The following UACA variants were observed in gnomAD, a reference collection of about 807,000 sequenced individuals.
UACA encodes uveal autoantigen with coiled-coil domains and ankyrin repeats.
Under a neutral mutation model 160.5 loss-of-function variants are expected in UACA, and 112 were observed. The observed-to-expected ratio is 0.70, with a 90% CI of 0.60 to 0.82. The LOEUF is 0.82. Among genes scored for constraint, UACA ranks in the 40% least tolerant of loss-of-function variants. The pLI, the probability that UACA is intolerant of heterozygous loss-of-function variation, is 0.00. For synonymous variants in UACA, 557 were observed against 568.4 expected, an observed-to-expected ratio of 0.98 and a Z score of 0.29; for missense variants, 1,574 against 1,614.6, an observed-to-expected ratio of 0.97 and a Z score of 0.43.
chr15:70,753,575 T>A (rs530159901), intron 1 of UACA, among the ~76,000 whole-genome samples: 1 of 152,308 alleles, frequency 6.6e-6, no homozygotes, highest in South Asian at 2.1e-4. Flanking sequence ...GCAGGTAAAT[T>A]ATTTAACTTG....
chr15:70,700,581 T>TAAG (rs1308884507), intron 1 of UACA, among the ~76,000 whole-genome samples: 1 of 151,928 alleles, frequency 6.6e-6, no homozygotes, highest in African/African-American at 2.4e-5. Context: ...GTGGGGGTTT[T>TAAG]AAGAAGGATG....
upstream of UACA, among the ~76,000 whole-genome samples, chr15:70,764,549 A>G (rs1221867598): frequency 1.3e-5 from 2 of 152,124 alleles, no homozygotes; most frequent in African/African-American, 4.8e-5. Context: ...AACGGTCCAC[A>G]TTTTCTGACT....
intron 1 of UACA, among the ~76,000 whole-genome samples, chr15:70,708,219 T>C (rs758449405): frequency 2.0e-5 from 3 of 152,134 alleles, no homozygotes; most frequent in Non-Finnish European, 4.4e-5. Context: ...GTACCTAAAG[T>C]AGGCAAATTT....
At position 70,699,381 on chromosome 15, in the gene UACA, A is replaced by T; in HGVS notation, c.212+146T>A. ...GAAATATTTTAAATTGAGAACAATT[A>T]TTAGTTTGTTTGAAAGATTTTATAG... is the stretch of plus-strand genomic sequence containing the variant. On this transcript the variant is annotated intron_variant, in intron 2 of 18. Transcript: ENST00000322954. 3.6e-6 allele frequency: 3 copies of T among 839,448 alleles called. No individual in the cohort carries two copies. The African/African-American group carries it at 5.1e-5, about 14-fold the overall frequency. 52.0% of individuals were successfully genotyped at this position (839,448 alleles called of 1,614,324 possible). A position where few individuals can be genotyped will look rare whatever the true frequency, so the allele number is the denominator to read the frequency against.
At chr15:70,740,545 G>A (rs1159919445) in intron 1 of UACA, among the ~76,000 whole-genome samples, 1 of 151,250 alleles carries the variant, frequency 6.6e-6, no homozygotes, top group Non-Finnish European at 1.5e-5. Context: ...GCTGAGGCAG[G>A]AGGATCGTTT....
At chr15:70,698,733 G>A (rs1382379013) in intron 2 of UACA, among the ~76,000 whole-genome samples, 1 of 152,058 alleles carries the variant, frequency 6.6e-6, no homozygotes, top group East Asian at 1.9e-4. Flanking sequence ...AGAATTTTAG[G>A]AAATGAGACT....
intron 1 of UACA, among the ~76,000 whole-genome samples, chr15:70,740,016 G>C (rs1053335108): frequency 6.6e-6 from 1 of 152,114 alleles, no homozygotes; most frequent in African/African-American, 2.4e-5. Flanking sequence ...TAATTTTTTA[G>C]TAAGTACAAC....
intron 14 of UACA, 129 bp from the exon 15 acceptor site, chr15:70,671,220 C>A: frequency 1.8e-6 from 1 of 559,270 alleles, no homozygotes; most frequent in Non-Finnish European, 3.0e-6. Context: ...CAAAAGTATC[C>A]TCATTCTAAA....
intron 1 of UACA, among the ~76,000 whole-genome samples, chr15:70,714,981 A>G (rs946695635): frequency 2.6e-5 from 4 of 152,222 alleles, no homozygotes; most frequent in African/African-American, 9.6e-5. Flanking sequence ...TCTTAAACAG[A>G]ACAAATTATA....
chr15:70,668,771 G>A lies in UACA; in HGVS notation c.1913C>T (p.Ser638Leu), dbSNP rs772729423. 1.2e-6 allele frequency: 2 copies of A among 1,613,796 alleles called. No individual in the cohort carries two copies. The highest frequency in any genetic ancestry group is 2.2e-5 in the South Asian group (2 of 91,064). Residue 638 changes from serine (S) to leucine (L), a missense_variant, in exon 16 of 19, where the codon TCA (serine) becomes TTA (leucine). By Grantham distance (145) the Ser-to-Leu change is moderately radical (BLOSUM62 -2). Coordinates refer to ENST00000322954, the MANE Select transcript of UACA (RefSeq NM_018003.4). ...TTTCTCATTCACTTCATTTGATAAT[G>A]AGCTCTTCATGTTTTCAAATTTTTC... Reference protein sequence around the residue: ...PAEKFENMKSSLSNEVNEKAK... With the variant: ...PAEKFENMKSLLSNEVNEKAK...
At chr15:70,722,744 A>C (rs1382152271) in intron 1 of UACA, among the ~76,000 whole-genome samples, 1 of 152,254 alleles carries the variant, frequency 6.6e-6, no homozygotes, top group Non-Finnish European at 1.5e-5. Flanking sequence ...ATATGAGTTC[A>C]CTGGAATTGC....
At chr15:70,663,940 A>G (rs1896813282) in intron 17 of UACA, among the ~76,000 whole-genome samples, 4 of 152,104 alleles carry the variant, frequency 2.6e-5, no homozygotes, top group African/African-American at 7.2e-5. Flanking sequence ...TAATGGGTGC[A>G]GCACACCAAC....
At chr15:70,681,954 C>T (rs186823417) in intron 9 of UACA, 1 of 152,294 alleles carries the variant, frequency 6.6e-6, no homozygotes, top group Admixed American at 6.5e-5. Flanking sequence ...ATCAGAATTG[C>T]TCAAGGTACC....
chr15:70,691,296 T>C lies in UACA; in HGVS notation c.366+3A>G. 6.3e-7 allele frequency: 1 copy of C among 1,590,468 alleles called. No individual in the cohort carries two copies. Among genetic ancestry groups the C allele is most frequent in the Non-Finnish European group, 8.6e-7 (1 of 1,163,806 alleles). Reference sequence around the variant, plus strand: ...AAGCTAAAGTATTAACCACTTCCACTACCTGTAGAAGTTTTTGTAGGCACA... The same window carrying C: ...AAGCTAAAGTATTAACCACTTCCACCACCTGTAGAAGTTTTTGTAGGCACA... On this transcript the variant is annotated splice_donor_region_variant and intron_variant, in intron 4 of 18. Transcript: ENST00000322954.
At chr15:70,747,312 T>G (rs2141008020) in intron 1 of UACA, among the ~76,000 whole-genome samples, 1 of 150,684 alleles carries the variant, frequency 6.6e-6, no homozygotes, top group East Asian at 1.9e-4. Context: ...GGCGTTATCT[T>G]GGCTCACTAC....
At chr15:70,700,361 C>T (rs1350166201) in intron 1 of UACA, among the ~76,000 whole-genome samples, 1 of 136,644 alleles carries the variant, frequency 7.3e-6, no homozygotes, top group Non-Finnish European at 1.5e-5. Flanking sequence ...GAAAGCAATT[C>T]ATTATGTTTA....
chr15:70,728,228 A>G (rs557815168), intron 1 of UACA, among the ~76,000 whole-genome samples: 5 of 152,314 alleles, frequency 3.3e-5, no homozygotes, highest in Admixed American at 3.3e-4. Flanking sequence ...AAATGAACTC[A>G]AGATGGATTA....
intron 1 of UACA, among the ~76,000 whole-genome samples, chr15:70,759,141 A>G (rs2030597650): frequency 6.6e-6 from 1 of 152,176 alleles, no homozygotes; most frequent in Admixed American, 6.6e-5. Context: ...ATCCCCTTCT[A>G]AAATGTCTGC....
chr15:70,691,180 G>T, intron 4 of UACA, 119 bp downstream of exon 4: 1 of 629,764 alleles, frequency 1.6e-6, no homozygotes, highest in Non-Finnish European at 2.6e-6. Flanking sequence ...AAATATGTAA[G>T]CTCATAGTCA....
Sources: allele counts gnomAD v4.1 joint callset (sites outside exome capture counted in the v4.1 genomes callset), GRCh38; gene constraint gnomAD v4.1.1; transcripts MANE v1.5; gene names NCBI Gene and HGNC (gene_info 2026-07-23, HGNC 2026-07-21).